The following KCNQ3 variants were observed in gnomAD, a reference collection of about 807,000 sequenced individuals.
KCNQ3 encodes potassium voltage-gated channel subfamily Q member 3.
In KCNQ3, 30 loss-of-function variants were observed where a neutral mutation model predicts 92.5. The ratio of observed to expected loss-of-function variants is 0.32; its 90% CI spans 0.24 to 0.44. KCNQ3 has a LOEUF of 0.44. Among genes scored for constraint, KCNQ3 ranks in the 20% least tolerant of loss-of-function variants. The probability of loss-of-function intolerance (pLI) is 1.00; values close to 1 mark genes in which losing one functional copy is unlikely to be tolerated. For missense variants in KCNQ3, 913 were observed against 1,140.3 expected (o/e 0.80, Z 2.87); for synonymous variants, 450 against 468.8 (o/e 0.96, Z 0.52).
chr8:132,287,768 G>T (rs972110356), intron 1 of KCNQ3, among the ~76,000 whole-genome samples: 5 of 152,118 alleles, frequency 3.3e-5, no homozygotes, highest in Admixed American at 2.6e-4. Flanking sequence ...GTTGATTAGG[G>T]ATTACCAGGG....
intron 1 of KCNQ3, among the ~76,000 whole-genome samples, chr8:132,441,560 A>C (rs747394906): frequency 5.3e-4 from 79 of 148,392 alleles, no homozygotes; most frequent in Admixed American, 9.4e-4. Context: ...GCTCCAAAAA[A>C]ACAAAAATCA....
chr8:132,303,641 A>G (rs1379077897), intron 1 of KCNQ3, among the ~76,000 whole-genome samples: 8 of 42,408 alleles, frequency 1.9e-4, no homozygotes, highest in East Asian at 3.4e-3. Context: ...TGGTGTATAT[A>G]TATATATATA....
intron 1 of KCNQ3, among the ~76,000 whole-genome samples, chr8:132,460,391 A>G (rs1237991363): frequency 2.0e-5 from 3 of 152,348 alleles, no homozygotes; most frequent in East Asian, 1.9e-4. Flanking sequence ...ACTCAAATCC[A>G]TACTACATGG....
chr8:132,342,006 A>G (rs1371344134), intron 1 of KCNQ3, among the ~76,000 whole-genome samples: 1 of 152,072 alleles, frequency 6.6e-6, no homozygotes, highest in African/African-American at 2.4e-5. Flanking sequence ...TGTTAAGCAA[A>G]ACTCTCTCCA....
intron 1 of KCNQ3, among the ~76,000 whole-genome samples, chr8:132,186,931 T>TGAGAGAGAGAGAGA (rs1420781543): frequency 1.2e-4 from 13 of 110,284 alleles, no homozygotes; most frequent in South Asian, 3.2e-4. Context: ...TGTGTGTGTG[T>TGAGAGAGAGAGAGA]GTGAGAGAGA....
intron 1 of KCNQ3, among the ~76,000 whole-genome samples, chr8:132,203,976 CTA>C (rs1273860611): frequency 6.6e-6 from 1 of 152,186 alleles, no homozygotes; most frequent in East Asian, 1.9e-4. Context: ...CCAAGAGACA[CTA>C]TATTTCATTG....
chr8:132,322,180 A>G (rs2130638770), intron 1 of KCNQ3, among the ~76,000 whole-genome samples: 1 of 152,340 alleles, frequency 6.6e-6, no homozygotes, highest in East Asian at 1.9e-4. Context: ...TCTTCAACGA[A>G]TAACAGAGAG....
intron 1 of KCNQ3, among the ~76,000 whole-genome samples, chr8:132,414,252 T>G (rs983143628): frequency 6.6e-6 from 1 of 152,168 alleles, no homozygotes; most frequent in Non-Finnish European, 1.5e-5. Flanking sequence ...TCCTCTGATC[T>G]CCAGAAGATG....
At chr8:132,198,019 G>T (rs1401688785) in intron 1 of KCNQ3, among the ~76,000 whole-genome samples, 1 of 152,122 alleles carries the variant, frequency 6.6e-6, no homozygotes, top group Non-Finnish European at 1.5e-5. Flanking sequence ...CTTAAAGTTG[G>T]CTGGGACCTG....
chr8:132,281,563 T>C (rs1018030309), intron 1 of KCNQ3, among the ~76,000 whole-genome samples: 2 of 151,838 alleles, frequency 1.3e-5, no homozygotes, highest in African/African-American at 4.8e-5. Context: ...TATATATATA[T>C]ATGAAATGAA....
intron 1 of KCNQ3, among the ~76,000 whole-genome samples, chr8:132,270,750 T>G (rs1816123090): frequency 1.3e-5 from 2 of 152,250 alleles, no homozygotes; most frequent in Admixed American, 6.5e-5. Flanking sequence ...AGAATATTTT[T>G]ATAGAATATT....
intron 1 of KCNQ3, among the ~76,000 whole-genome samples, chr8:132,337,585 TGG>T (rs1389655384): frequency 6.6e-6 from 1 of 152,202 alleles, no homozygotes; most frequent in African/African-American, 2.4e-5. Context: ...GAAGAAGGGC[TGG>T]TACCAACAGG....
intron 1 of KCNQ3, among the ~76,000 whole-genome samples, chr8:132,206,574 T>C (rs1813664835): frequency 6.6e-6 from 1 of 152,250 alleles, no homozygotes; most frequent in Non-Finnish European, 1.5e-5. Context: ...CCACATTTTA[T>C]ATTATTAAAG....
At chr8:132,171,516 C>T (rs375607628) in intron 7 of KCNQ3, among the ~76,000 whole-genome samples, 1 of 152,216 alleles carries the variant, frequency 6.6e-6, no homozygotes, top group South Asian at 2.1e-4. Context: ...CCTCTCACTG[C>T]TCCCTGCAAC....
intron 1 of KCNQ3, among the ~76,000 whole-genome samples, chr8:132,225,786 C>T (rs987261955): frequency 6.6e-6 from 1 of 152,178 alleles, no homozygotes; most frequent in Non-Finnish European, 1.5e-5. Flanking sequence ...CTAACAGCCT[C>T]CAGGACCTGC....
intron 1 of KCNQ3, among the ~76,000 whole-genome samples, chr8:132,400,693 TA>T (rs1484822540): frequency 4.6e-5 from 7 of 152,246 alleles, no homozygotes; most frequent in African/African-American, 1.7e-4. Context: ...CACAGAGGCT[TA>T]TCCCAGTGGG....
chr8:132,242,204 G>C (rs1039472033), intron 1 of KCNQ3, among the ~76,000 whole-genome samples: 1 of 152,152 alleles, frequency 6.6e-6, no homozygotes, highest in Non-Finnish European at 1.5e-5. Context: ...GCATCTGCTT[G>C]CTGGTATCTA....
At chr8:132,185,676 A>AT (rs1311715283) in intron 2 of KCNQ3, among the ~76,000 whole-genome samples, 2 of 152,228 alleles carry the variant, frequency 1.3e-5, no homozygotes, top group African/African-American at 4.8e-5. Context: ...TATAAATGGA[A>AT]TTCTGTACCT....
chr8:132,196,079 C>T (rs903731571), intron 1 of KCNQ3, among the ~76,000 whole-genome samples: 42 of 152,138 alleles, frequency 2.8e-4, no homozygotes, highest in African/African-American at 9.9e-4. Context: ...TTCATTCTTT[C>T]TCCCTCCAGT....
Sources: allele counts gnomAD v4.1 joint callset (sites outside exome capture counted in the v4.1 genomes callset), GRCh38; gene constraint gnomAD v4.1.1; transcripts MANE v1.5; gene names NCBI Gene and HGNC (gene_info 2026-07-23, HGNC 2026-07-21).